The following NPC1 variants were observed in gnomAD, a reference collection of about 807,000 sequenced individuals.
NPC1 encodes the protein NPC intracellular cholesterol transporter 1.
NPC1 carries 85 observed loss-of-function variants against 140.4 expected under a neutral mutation model. The observed-to-expected ratio is 0.61, with a 90% CI of 0.51 to 0.72. NPC1 has a LOEUF of 0.72. Among genes scored for constraint, NPC1 ranks in the 30% least tolerant of loss-of-function variants. NPC1 has a pLI of 0.00. For missense variants in NPC1, 1,504 were observed against 1,623.8 expected (o/e 0.93, Z 1.27); for synonymous variants, 656 against 624.8 (o/e 1.05, Z -0.74).
chr18:23,553,242 C>G (rs1236991390), intron 9 of NPC1, among the ~76,000 whole-genome samples: 2 of 152,216 alleles, frequency 1.3e-5, no homozygotes, highest in African/African-American at 4.8e-5. Context: ...TCTTGTGCCA[C>G]AGAGAGTAAA....
intron 12 of NPC1, 131 bp from the exon 13 acceptor site, chr18:23,544,657 A>G (rs1382805626): frequency 2.3e-6 from 2 of 886,346 alleles, no homozygotes; most frequent in African/African-American, 3.3e-5. Flanking sequence ...TCTGTGTTTC[A>G]GAGAGGACTT....
chr18:23,552,337 A>G (rs1161579641), intron 9 of NPC1, among the ~76,000 whole-genome samples: 1 of 152,216 alleles, frequency 6.6e-6, no homozygotes, highest in Non-Finnish European at 1.5e-5. Flanking sequence ...CCTGTCCTAG[A>G]GCATGGGGTG....
chr18:23,516,057 A>ATCC, intron 3 of NPC1: 1 of 1,608,874 alleles, frequency 6.2e-7, no homozygotes, highest in Non-Finnish European at 8.5e-7. Context: ...TTCCTGTAGC[A>ATCC]TCCTAATGTG....
Position 23,568,799 on chromosome 18 carries a change from A to T in NPC1, c.463+24T>A, listed in dbSNP as rs1285764311. On this transcript the variant is annotated intron_variant, in intron 4 of 24. Coordinates refer to ENST00000269228, the MANE Select transcript of NPC1 (RefSeq NM_000271.5). ...GCTGTCCTGATGCCAGCTGTAAAAG[A>T]GGAATAATTAAAAGTTTACTTACCA... 2.5e-6 allele frequency: 4 copies of T among 1,591,882 alleles called. No individual in the cohort carries two copies. The African/African-American group carries it at 5.4e-5, about 21-fold the overall frequency.
Position 23,539,811 on chromosome 18 carries a change from T to TA in NPC1, c.2794dup (p.Tyr932LeufsTer33). 1 of 1,614,102 alleles carries TA rather than the reference T, an allele frequency of 6.2e-7. No homozygotes were observed. The highest frequency in any genetic ancestry group is 8.5e-7 in the Non-Finnish European group (1 of 1,179,994). On this transcript the variant is annotated frameshift_variant and splice_region_variant, in exon 18 of 25. Coordinates refer to ENST00000269228, the MANE Select transcript of NPC1 (RefSeq NM_000271.5). LOFTEE classifies it high-confidence loss of function. ...AAGTACAAGACAAGGTGGTACTGAC[T>TA]AGTTGTCCAGCTGCGCCGCGTTAAA...
chr18:23,583,319 C>T (rs2059378928), intron 1 of NPC1, among the ~76,000 whole-genome samples: 1 of 152,148 alleles, frequency 6.6e-6, no homozygotes, highest in South Asian at 2.1e-4. Context: ...TACCCAAGAT[C>T]ACTCTTGGGA....
intron 3 of NPC1, among the ~76,000 whole-genome samples, chr18:23,569,638 G>T (rs1384987674): frequency 6.6e-6 from 1 of 152,088 alleles, no homozygotes; most frequent in Non-Finnish European, 1.5e-5. Context: ...TGATTAAGAA[G>T]AAAATAAAAT....
intron 24 of NPC1, chr18:23,533,153 T>C: frequency 1.5e-6 from 1 of 679,898 alleles, no homozygotes; most frequent in Non-Finnish European, 2.4e-6. Context: ...CATCGACAAC[T>C]TCCTAATAAA....
intron 16 of NPC1, 78 bp downstream of exon 16, chr18:23,540,990 G>A: frequency 4.0e-6 from 6 of 1,497,932 alleles, no homozygotes; most frequent in Non-Finnish European, 5.6e-6. Flanking sequence ...CTCCTTCCCA[G>A]GCTGTCTGGC....
intron 10 of NPC1, among the ~76,000 whole-genome samples, chr18:23,548,672 C>T (rs2058824234): frequency 6.6e-6 from 1 of 152,088 alleles, no homozygotes; most frequent in South Asian, 2.1e-4. Context: ...TTAGCCAATC[C>T]CCCCCAACTG....
At position 23,540,525 on chromosome 18, in the gene NPC1, C is replaced by A. The variant is rs758854079; in HGVS notation, c.2527G>T (p.Val843Leu). 6.2e-6 allele frequency: 10 copies of A among 1,610,568 alleles called. No homozygotes were observed. The Admixed American group carries it at 1.5e-4, about 24-fold the overall frequency. ...WMRPIVIAIF[V>L]GVLSFSIAVL... The stretch of plus-strand genomic sequence containing the variant: ...GCGATGCTGAATGACAGAACACCCA[C>A]AAATATTGCTATCTGGAACAACAAA... The change falls in exon 17 of 25, where the codon GTG (valine) becomes TTG (leucine). Residue 843 changes from valine (V) to leucine (L), a missense_variant. Coordinates refer to ENST00000269228, the MANE Select transcript of NPC1 (RefSeq NM_000271.5).
At chr18:23,512,568 G>A (rs561426386) in intron 3 of NPC1, among the ~76,000 whole-genome samples, 1 of 151,526 alleles carries the variant, frequency 6.6e-6, no homozygotes, top group South Asian at 2.1e-4. Context: ...CTACAGGTGT[G>A]TGCCAGCACG....
chr18:23,549,403 C>T (rs1338671065), intron 10 of NPC1, among the ~76,000 whole-genome samples: 1 of 152,052 alleles, frequency 6.6e-6, no homozygotes, highest in Non-Finnish European at 1.5e-5. Flanking sequence ...TTTGGGAGGC[C>T]AAGGTGGGTG....
chr18:23,585,350 T>A (rs967180840), intron 1 of NPC1, among the ~76,000 whole-genome samples: 1 of 152,180 alleles, frequency 6.6e-6, no homozygotes, highest in Non-Finnish European at 1.5e-5. Flanking sequence ...TGGCTCTTAG[T>A]CCATTATTGG....
At chr18:23,561,924 A>G (rs750971910) in intron 4 of NPC1, among the ~76,000 whole-genome samples, 1 of 152,244 alleles carries the variant, frequency 6.6e-6, no homozygotes, top group African/African-American at 2.4e-5. Context: ...TGCCGCAGGA[A>G]GCTACACAGC....
intron 12 of NPC1, 71 bp from the exon 13 acceptor site, chr18:23,544,597 C>A: frequency 7.5e-7 from 1 of 1,340,074 alleles, no homozygotes; most frequent in Non-Finnish European, 1.1e-6. Flanking sequence ...CTAAAAGGTC[C>A]TCCTTTTTAC....
chr18:23,530,188 G>A (rs1259820854), downstream of NPC1: 14 of 1,613,670 alleles, frequency 8.7e-6, no homozygotes, highest in East Asian at 2.2e-5. Context: ...AATTTTAACC[G>A]TTATCTTTCC....
chr18:23,530,327 T>C (rs761566950), downstream of NPC1: 6 of 1,614,056 alleles, frequency 3.7e-6, no homozygotes, highest in South Asian at 2.2e-5. Flanking sequence ...TTTTAGACTA[T>C]GGAAACTAAC....
chr18:23,546,000 G>C (rs1158411593), intron 11 of NPC1, among the ~76,000 whole-genome samples: 1 of 152,138 alleles, frequency 6.6e-6, no homozygotes, highest in Non-Finnish European at 1.5e-5. Flanking sequence ...TGTAATTCCA[G>C]CACTTTGGGA....
Sources: gnomAD v4.1 joint callset for allele counts (sites outside exome capture counted in the v4.1 genomes callset) on GRCh38, gnomAD v4.1.1 for gene constraint, MANE v1.5 for transcripts, NCBI Gene and HGNC (gene_info 2026-07-23, HGNC 2026-07-21) for gene names.